IRAK3: variants seen among roughly 807,000 people sequenced by gnomAD.
The protein encoded by IRAK3 is interleukin-1 receptor-associated kinase 3.
A neutral mutation model predicts 56.6 loss-of-function variants in IRAK3; 57 were observed. That is an observed-to-expected ratio of 1.01 (90% confidence interval 0.81 to 1.26). The LOEUF is 1.26. Among genes scored for constraint, IRAK3 ranks in the 50% most tolerant of loss-of-function variants. The pLI, the probability that IRAK3 is intolerant of heterozygous loss-of-function variation, is 0.00. For synonymous variants in IRAK3, 258 were observed against 255.7 expected (o/e 1.01, Z -0.09); for missense variants, 703 against 719.0 (o/e 0.98, Z 0.25).
At chr12:66,223,422 G>A (rs2052755034) in intron 6 of IRAK3, among the ~76,000 whole-genome samples, 1 of 151,940 alleles carries the variant, frequency 6.6e-6, no homozygotes, top group African/African-American at 2.4e-5. Context: ...CACTTTGGGA[G>A]GCCGAGGCAG....
At chr12:66,209,593 A>G in intron 3 of IRAK3, 73 bp downstream of exon 3, 1 of 969,776 alleles carries the variant, frequency 1.0e-6, no homozygotes, top group South Asian at 1.3e-5. Context: ...GAATGAAATT[A>G]GCAGGCAGAA....
intron 8 of IRAK3, among the ~76,000 whole-genome samples, chr12:66,229,294 A>G (rs2052820461): frequency 6.6e-6 from 1 of 152,314 alleles, no homozygotes; most frequent in East Asian, 1.9e-4. Flanking sequence ...GACATAAAGA[A>G]TCATTCACCC....
intron 5 of IRAK3, among the ~76,000 whole-genome samples, chr12:66,214,064 G>A (rs2052640163): frequency 6.6e-6 from 1 of 152,198 alleles, no homozygotes; most frequent in South Asian, 2.1e-4. Flanking sequence ...GCAGCGGACT[G>A]GGTGTAGGGA....
At chr12:66,196,782 TA>T in intron 1 of IRAK3, 1 of 1,265,872 alleles carries the variant, frequency 7.9e-7, no homozygotes, top group East Asian at 2.6e-5. Flanking sequence ...CTTTTGGAAT[TA>T]AAAATGTCTT....
rs985954125 is a variant in IRAK3 at position 66,228,174 on chromosome 12, G to A, written c.769-78G>A. 9.0e-6 allele frequency: 9 copies of A among 1,004,036 alleles called. No individual in the cohort carries two copies. In the African/African-American group the frequency reaches 1.1e-4, roughly 12 times the overall value. The allele number at this position is 1,004,036 out of a possible 1,614,324, so 62.2% of individuals were successfully genotyped here. ...CACCTTGCTATCTACTTCTATTCTGGTGTATGTCTGCATAATGAATACATA... is the reference window on the plus strand; with the variant it reads ...CACCTTGCTATCTACTTCTATTCTGATGTATGTCTGCATAATGAATACATA... On this transcript the variant is annotated intron_variant, in intron 7 of 11. Transcript: ENST00000261233.
intron 1 of IRAK3, among the ~76,000 whole-genome samples, chr12:66,195,654 CTT>C (rs1354651787): frequency 6.6e-6 from 1 of 152,006 alleles, no homozygotes; most frequent in Non-Finnish European, 1.5e-5. Context: ...TCTGACCACT[CTT>C]TTGTTTTGTT....
rs1474200770 is a variant in IRAK3 at position 66,250,912 on chromosome 12, A to G, written c.*2741A>G. 1.3e-5 allele frequency: 2 copies of G among 152,206 alleles called. No individual in the cohort carries two copies. The highest frequency in any genetic ancestry group is 1.3e-4 in the Admixed American group (2 of 15,288). 9.4% of individuals were successfully genotyped at this position (152,206 alleles called of 1,614,324 possible). On this transcript the variant is annotated 3_prime_UTR_variant, in exon 12 of 12. Coordinates refer to ENST00000261233, the MANE Select transcript of IRAK3 (RefSeq NM_007199.3). ...GAGTTCCCAGGTGATGCTGATGCCA[A>G]TGATGTGAAGCCCGCTCTTCACATC...
At chr12:66,197,254 A>T (rs1301833608) in intron 1 of IRAK3, 1 of 1,179,660 alleles carries the variant, frequency 8.5e-7, no homozygotes, top group African/African-American at 1.6e-5. Context: ...CTTTATCAAC[A>T]TAATTAGTCA....
At position 66,208,605 on chromosome 12, in the gene IRAK3, A is replaced by G. The variant is rs112096774; in HGVS notation, c.317-851A>G. Among the ~76,000 whole-genome samples the G allele has an allele frequency of 2.4e-3, 371 of 151,768 alleles. 2 individuals are homozygous for G. Among genetic ancestry groups the G allele is most frequent in the African/African-American group, 8.8e-3 (364 of 41,348 alleles). On this transcript the variant is annotated intron_variant, in intron 2 of 11. Transcript: ENST00000261233. ...GTGAAACCCTGTCTCTACTAAAAAT[A>G]CAAAAATTAGCTGTGCATGGTGGCA...
chr12:66,221,945 C>G (rs1027901846), intron 6 of IRAK3, among the ~76,000 whole-genome samples: 1 of 152,166 alleles, frequency 6.6e-6, no homozygotes, highest in African/African-American at 2.4e-5. Flanking sequence ...ACAAGAATTG[C>G]TTGAACCCGG....
chr12:66,234,439 T>G, intron 8 of IRAK3: 2 of 1,611,506 alleles, frequency 1.2e-6, no homozygotes, highest in South Asian at 1.1e-5. Context: ...TAATAGAAGT[T>G]TGAGTGATCA....
chr12:66,216,531 C>A (rs952536640), intron 5 of IRAK3, among the ~76,000 whole-genome samples: 1 of 152,060 alleles, frequency 6.6e-6, no homozygotes, highest in African/African-American at 2.4e-5. Context: ...AAGTTGGAAA[C>A]CTGAGATCCA....
At chr12:66,212,463 C>T (rs1029810635) in intron 5 of IRAK3, among the ~76,000 whole-genome samples, 6 of 152,148 alleles carry the variant, frequency 3.9e-5, no homozygotes, top group African/African-American at 1.4e-4. Context: ...AAGAGCTGCT[C>T]TTCGTTTTCT....
intron 1 of IRAK3, among the ~76,000 whole-genome samples, chr12:66,196,405 G>C (rs2052453615): frequency 6.6e-6 from 1 of 152,180 alleles, no homozygotes; most frequent in African/African-American, 2.4e-5. Context: ...GTAGGCAACA[G>C]ACCTATAAAA....
chr12:66,212,485 C>A (rs773528062), intron 5 of IRAK3, among the ~76,000 whole-genome samples: 1 of 152,074 alleles, frequency 6.6e-6, no homozygotes, highest in Non-Finnish European at 1.5e-5. Context: ...CATAGTTGGT[C>A]AACAATAAGT....
intron 5 of IRAK3, among the ~76,000 whole-genome samples, chr12:66,214,718 T>G (rs959379631): frequency 6.6e-6 from 1 of 152,236 alleles, no homozygotes; most frequent in Middle Eastern, 3.4e-3. Flanking sequence ...TTAAAAAAAT[T>G]GACTTTTAAA....
At chr12:66,212,728 G>A (rs141530093) in intron 5 of IRAK3, among the ~76,000 whole-genome samples, 94 of 152,248 alleles carry the variant, frequency 6.2e-4, no homozygotes, top group African/African-American at 2.2e-3. Context: ...TCCTTTGTAG[G>A]GACATGAATG....
intron 1 of IRAK3, among the ~76,000 whole-genome samples, chr12:66,192,275 A>G (rs2052406669): frequency 6.6e-6 from 1 of 152,264 alleles, no homozygotes; most frequent in East Asian, 1.9e-4. Flanking sequence ...AGTACTCTTC[A>G]AATCACTTTT....
At chr12:66,197,009 A>G in intron 1 of IRAK3, 1 of 1,533,018 alleles carries the variant, frequency 6.5e-7, no homozygotes, top group South Asian at 1.2e-5. Flanking sequence ...TCAGAGACAT[A>G]TTTGCATATG....
Sources: allele counts gnomAD v4.1 joint callset (sites outside exome capture counted in the v4.1 genomes callset), GRCh38; gene constraint gnomAD v4.1.1; transcripts MANE v1.5; gene names NCBI Gene and HGNC (gene_info 2026-07-23, HGNC 2026-07-21).